The following PTCHD4 variants were observed in gnomAD, a reference collection of about 807,000 sequenced individuals.
PTCHD4 encodes patched domain-containing protein 4.
PTCHD4 carries 33 observed loss-of-function variants against 58.1 expected under a neutral mutation model. The ratio of observed to expected loss-of-function variants is 0.57; its 90% CI spans 0.43 to 0.76. The LOEUF is 0.76. Ranked by LOEUF, PTCHD4 falls within the 30% of genes least tolerant of loss-of-function variation. PTCHD4 has a pLI of 0.00. For synonymous variants in PTCHD4, 478 were observed against 409.6 expected (o/e 1.17, Z -2.02); for missense variants, 1,058 against 1,027.1 (o/e 1.03, Z -0.41).
chr6:47,963,794 A>G (rs1462473057), intron 4 of PTCHD4, among the ~76,000 whole-genome samples: 2 of 146,898 alleles, frequency 1.4e-5, no homozygotes, highest in Non-Finnish European at 3.0e-5. Flanking sequence ...TGTCCAACAG[A>G]GCAATGACAT....
intron 4 of PTCHD4, among the ~76,000 whole-genome samples, chr6:48,002,889 A>G (rs1320318292): frequency 1.3e-5 from 2 of 152,110 alleles, no homozygotes; most frequent in African/African-American, 4.8e-5. Flanking sequence ...AAAGTCACCA[A>G]TGACTTCTAT....
At chr6:47,989,719 C>G (rs369703346) in intron 4 of PTCHD4, among the ~76,000 whole-genome samples, 2 of 152,200 alleles carry the variant, frequency 1.3e-5, no homozygotes, top group Non-Finnish European at 2.9e-5. Flanking sequence ...TATGGAAACA[C>G]CTGGATGCCC....
At chr6:47,908,829 T>C (rs1016988141) in intron 4 of PTCHD4, among the ~76,000 whole-genome samples, 4 of 152,194 alleles carry the variant, frequency 2.6e-5, no homozygotes, top group Admixed American at 6.5e-5. Flanking sequence ...GAAATATTCA[T>C]TTTAATAAAA....
chr6:47,890,961 A>G (rs1764360011), intron 4 of PTCHD4: 1 of 853,364 alleles, frequency 1.2e-6, no homozygotes, highest in African/African-American at 1.8e-5. Flanking sequence ...TAATCCCAGC[A>G]CTTTGGGGGG....
At chr6:48,050,375 A>G (rs1764187564) in intron 3 of PTCHD4, among the ~76,000 whole-genome samples, 1 of 152,000 alleles carries the variant, frequency 6.6e-6, no homozygotes, top group South Asian at 2.1e-4. Flanking sequence ...TGAGTTTCCC[A>G]TGAAAAATAT....
At chr6:47,901,784 G>C in intron 4 of PTCHD4, 1 of 1,244,592 alleles carries the variant, frequency 8.0e-7, no homozygotes, top group Non-Finnish European at 1.0e-6. Context: ...TGATGACGAT[G>C]ATGATGATTT....
rs187317714 is a variant in PTCHD4 at position 47,871,981 on chromosome 6, A to G, written c.*6322T>C. On this transcript the variant is annotated 3_prime_UTR_variant, in exon 5 of 5. Coordinates refer to ENST00000339488, the MANE Select transcript of PTCHD4 (RefSeq NM_001384253.1). ...GAATTCCCTTATTCTACTTGAAAATAGATGCTACAGACTGTACCAGGAGAT... is the reference window on the plus strand; with the variant it reads ...GAATTCCCTTATTCTACTTGAAAATGGATGCTACAGACTGTACCAGGAGAT... Among the ~76,000 whole-genome samples the G allele has an allele frequency of 1.7e-3, 263 of 151,558 alleles. No homozygotes were observed. The highest frequency in any genetic ancestry group is 5.0e-3 in the African/African-American group (208 of 41,422).
At position 47,861,207 on chromosome 6, in the gene PTCHD4, TCTAAATATGTCTTAGTCATTGCTGTG is replaced by T. The variant is rs1320034552; in HGVS notation, c.*17070_*17095del. Among the ~76,000 whole-genome samples the T allele has an allele frequency of 6.6e-6, 1 of 151,982 alleles. No individual in the cohort carries two copies. Among genetic ancestry groups the T allele is most frequent in the Admixed American group, 6.6e-5 (1 of 15,228 alleles). The stretch of plus-strand genomic sequence containing the variant: ...TCCTGATTTTTCTTTAGGCCATCCT[TCTAAATATGTCTTAGTCATTGCTGTG>T]CTAAATAGAAGAGGTGGCAACAGGG... On this transcript the variant is annotated 3_prime_UTR_variant, in exon 5 of 5. Transcript: ENST00000339488.
Position 47,860,324 on chromosome 6 carries a change from T to C in PTCHD4, c.*17979A>G, listed in dbSNP as rs1763394745. ...GTAATCAAGAAAGAAATGAAAGAAA[T>C]ATATAAAACTGTCAATTAAGAAAAG... is the stretch of plus-strand genomic sequence containing the variant. On this transcript the variant is annotated 3_prime_UTR_variant, in exon 5 of 5. Coordinates refer to ENST00000339488, the MANE Select transcript of PTCHD4 (RefSeq NM_001384253.1). Among the ~76,000 whole-genome samples, 1 of 151,958 alleles carries C rather than the reference T, an allele frequency of 6.6e-6. No individual in the cohort carries two copies. Among genetic ancestry groups the C allele is most frequent in the South Asian group, 2.1e-4 (1 of 4,828 alleles).
At chr6:47,908,205 G>C (rs1489798549) in intron 4 of PTCHD4, among the ~76,000 whole-genome samples, 2 of 152,074 alleles carry the variant, frequency 1.3e-5, no homozygotes, top group Non-Finnish European at 2.9e-5. Flanking sequence ...AGTCTAAAGA[G>C]GGACTCAGCT....
At position 47,879,858 on chromosome 6, in the gene PTCHD4, A is replaced by G. The variant is rs762835733; in HGVS notation, c.977T>C (p.Ile326Thr). ...CATCACATCAGAATAGGCATCTGCT[A>G]TCCTGTCTTTGAAGGGCAAGTTCTC... ...TKENLPFKDR[I>T]ADAYSDVMVT... The change falls in exon 5 of 5, where the codon ATA becomes ACA. Residue 326 changes from isoleucine (I) to threonine (T), a missense_variant. Physicochemically the swap from Ile to Thr is moderately conservative, Grantham distance 89. Transcript: ENST00000339488. The G allele has an allele frequency of 6.2e-7, 1 of 1,606,446 alleles. No homozygotes were observed. Among genetic ancestry groups the G allele is most frequent in the South Asian group, 1.1e-5 (1 of 89,750 alleles).
intron 1 of PTCHD4, among the ~76,000 whole-genome samples, chr6:48,098,344 T>TCTTCTTCTTCTTCTTCTTC (rs1172430988): frequency 5.7e-4 from 78 of 137,734 alleles, no homozygotes; most frequent in South Asian, 9.3e-4. Flanking sequence ...TTCTTCTTCT[T>TCTTCTTCTTCTTCTTCTTC]TTTTTTTTTT....
chr6:47,999,892 A>G (rs1768653427), intron 4 of PTCHD4, among the ~76,000 whole-genome samples: 1 of 152,116 alleles, frequency 6.6e-6, no homozygotes, highest in Non-Finnish European at 1.5e-5. Context: ...TAATATTGCC[A>G]TTTCCTTTAT....
intron 3 of PTCHD4, among the ~76,000 whole-genome samples, chr6:48,056,191 C>A (rs1048079398): frequency 6.6e-6 from 1 of 152,062 alleles, no homozygotes; most frequent in East Asian, 1.9e-4. Flanking sequence ...TAAATGTAAA[C>A]GAGATACAAT....
rs1763465238 is a variant in PTCHD4, at chr6:47,862,907, G to T, written c.*15396C>A. Reference sequence around the variant, plus strand: ...TGCTCCATGAACATAATGACCCATGGTCAATTATATCTGGGAAATCAAATA... The same window carrying T: ...TGCTCCATGAACATAATGACCCATGTTCAATTATATCTGGGAAATCAAATA... On this transcript the variant is annotated 3_prime_UTR_variant, in exon 5 of 5. Coordinates refer to ENST00000339488, the MANE Select transcript of PTCHD4 (RefSeq NM_001384253.1). 6.6e-6 allele frequency among the ~76,000 whole-genome samples: 1 copy of T among 151,826 alleles called. No individual in the cohort carries two copies. Among genetic ancestry groups the T allele is most frequent in the Non-Finnish European group, 1.5e-5 (1 of 67,864 alleles).
rs1250436704 is a variant in PTCHD4, at chr6:47,861,708, T to C, written c.*16595A>G. Among the ~76,000 whole-genome samples, 1 of 151,944 alleles carries C rather than the reference T, an allele frequency of 6.6e-6. No homozygotes were observed. Among genetic ancestry groups the C allele is most frequent in the African/African-American group, 2.4e-5 (1 of 41,436 alleles). ...GCAGGCAAATAAATAATAACTCTAG[T>C]TTTGCCAATGTCTCATAACAAATGT... is the stretch of plus-strand genomic sequence containing the variant. On this transcript the variant is annotated 3_prime_UTR_variant, in exon 5 of 5. Transcript: ENST00000339488.
rs1763672150 is a variant in PTCHD4, at chr6:47,869,972, G to A, written c.*8331C>T. The stretch of plus-strand genomic sequence containing the variant: ...ATGAAGAAAAATCTGGCGAATTTAA[G>A]AATAACCTAGCTTTTACAGCATTTG... On this transcript the variant is annotated 3_prime_UTR_variant, in exon 5 of 5. Coordinates refer to ENST00000339488, the MANE Select transcript of PTCHD4 (RefSeq NM_001384253.1). 6.6e-6 allele frequency among the ~76,000 whole-genome samples: 1 copy of A among 151,504 alleles called. No individual in the cohort carries two copies. The highest frequency in any genetic ancestry group is 1.5e-5 in the Non-Finnish European group (1 of 67,674).
chr6:48,044,724 C>CT (rs1445446520), intron 3 of PTCHD4, among the ~76,000 whole-genome samples: 2 of 151,808 alleles, frequency 1.3e-5, no homozygotes, highest in African/African-American at 2.4e-5. Flanking sequence ...TTTATTCCCA[C>CT]TTTTTTATCA....
intron 1 of PTCHD4, among the ~76,000 whole-genome samples, chr6:48,101,408 T>A (rs545684675): frequency 6.6e-6 from 1 of 152,286 alleles, no homozygotes; most frequent in Non-Finnish European, 1.5e-5. Context: ...GTGAACTATA[T>A]AAGGACTAGT....
Sources: gnomAD v4.1 joint callset for allele counts (sites outside exome capture counted in the v4.1 genomes callset) on GRCh38, gnomAD v4.1.1 for gene constraint, MANE v1.5 for transcripts, NCBI Gene and HGNC (gene_info 2026-07-23, HGNC 2026-07-21) for gene names.